CDC42BPB: variants seen among roughly 807,000 people sequenced by gnomAD.
CDC42BPB encodes CDC42 binding protein kinase beta, also known as serine/threonine-protein kinase MRCK beta.
In CDC42BPB, 37 loss-of-function variants were observed where a neutral mutation model predicts 214.9. That is an observed-to-expected ratio of 0.17 (90% CI 0.13 to 0.23). The LOEUF is 0.23. Among genes scored for constraint, CDC42BPB ranks in the 10% least tolerant of loss-of-function variants. CDC42BPB has a pLI of 1.00. For missense variants in CDC42BPB, 1,694 were observed against 2,227.0 expected (o/e 0.76, Z 4.82); for synonymous variants, 931 against 884.0 (o/e 1.05, Z -0.94).
intron 30 of CDC42BPB, chr14:102,941,329 G>C: frequency 1.0e-6 from 1 of 985,474 alleles, no homozygotes; most frequent in African/African-American, 1.7e-5. Flanking sequence ...GTCTGAAGAT[G>C]CATTTTAAAA....
chr14:103,017,601 C>T (rs1159136669), intron 1 of CDC42BPB, among the ~76,000 whole-genome samples: 8 of 152,102 alleles, frequency 5.3e-5, no homozygotes, highest in Non-Finnish European at 8.8e-5. Context: ...CTGTGATTTT[C>T]CTGCAAAGAT....
chr14:102,938,541 C>G lies in CDC42BPB; in HGVS notation c.4828-130G>C, dbSNP rs555417328. On this transcript the variant is annotated intron_variant, in intron 34 of 36. Transcript: ENST00000361246. ...GCAAAATGGGGGCCAAGAGGGCTCT[C>G]TGGATTGGACAAGGGTTCTGGACAG... 60 of 1,429,962 alleles carry G rather than the reference C, an allele frequency of 4.2e-5. No individual in the cohort carries two copies. The East Asian group carries it at 1.4e-3, about 34-fold the overall frequency. The allele number at this position is 1,429,962 out of a possible 1,614,324, so 88.6% of individuals were successfully genotyped here.
At chr14:102,938,677 G>C (rs1446669960) in intron 34 of CDC42BPB, 1 of 496,066 alleles carries the variant, frequency 2.0e-6, no homozygotes, top group Non-Finnish European at 2.6e-6. Context: ...CCCCCAGGCT[G>C]GAGTGCAATG....
chr14:102,983,884 G>C (rs1455928140), intron 6 of CDC42BPB, 128 bp from the exon 7 acceptor site: 1 of 1,454,898 alleles, frequency 6.9e-7, no homozygotes, highest in Non-Finnish European at 9.0e-7. Context: ...ATGAATGATC[G>C]TGTTTTTTAA....
chr14:103,028,521 G>A (rs1167936674), intron 1 of CDC42BPB, among the ~76,000 whole-genome samples: 2 of 152,204 alleles, frequency 1.3e-5, no homozygotes, highest in African/African-American at 2.4e-5. Flanking sequence ...GATCACATAC[G>A]CATCACAGAA....
rs1339867487 is a variant in CDC42BPB, at chr14:102,932,891, CA to C, written c.*820del. On this transcript the variant is annotated 3_prime_UTR_variant, in exon 37 of 37. Transcript: ENST00000361246. ...CAGGACTGGTGGGGGGGGGGGCGGG[CA>C]GGGCGGGGCGGGGTGGGGTATCCCA... is the stretch of plus-strand genomic sequence containing the variant. 0.013 allele frequency: 58 copies of C among 4,502 alleles called. No individual in the cohort carries two copies. The highest frequency in any genetic ancestry group is 0.12 in the Middle Eastern group (1 of 8). The allele number at this position is 4,502 out of a possible 1,614,324, so 0.3% of individuals were successfully genotyped here. A position where few individuals can be genotyped will look rare whatever the true frequency, so the allele number is the denominator to read the frequency against.
At chr14:102,941,574 G>A (rs1891890914) in intron 30 of CDC42BPB, 1 of 985,206 alleles carries the variant, frequency 1.0e-6, no homozygotes, top group African/African-American at 1.7e-5. Flanking sequence ...ACGGGCTTCT[G>A]GGAAGGCCCT....
chr14:103,042,044 C>A, intron 1 of CDC42BPB: 1 of 202,206 alleles, frequency 4.9e-6, no homozygotes, highest in South Asian at 8.6e-5. Context: ...TTTGGCATAC[C>A]GGCAAAGAGA....
chr14:103,054,803 A>G (rs1414298298), intron 1 of CDC42BPB, among the ~76,000 whole-genome samples: 3 of 152,214 alleles, frequency 2.0e-5, no homozygotes, highest in African/African-American at 7.2e-5. Flanking sequence ...AACTTTGAAA[A>G]TATGTCTATG....
At chr14:102,983,341 C>T (rs1293373716) in intron 7 of CDC42BPB, among the ~76,000 whole-genome samples, 1 of 152,102 alleles carries the variant, frequency 6.6e-6, no homozygotes, top group East Asian at 1.9e-4. Flanking sequence ...CCTTCCCCTT[C>T]CTCTGGCGCC....
chr14:102,970,511 T>C (rs1394462058), intron 13 of CDC42BPB: 1 of 322,584 alleles, frequency 3.1e-6, no homozygotes, highest in Admixed American at 6.4e-5. Flanking sequence ...AAAGGATACA[T>C]TTCTTGAAAT....
Position 102,968,278 on chromosome 14 carries a change from T to C in CDC42BPB, c.2321A>G (p.Lys774Arg). 1 of 1,613,868 alleles carries C rather than the reference T, an allele frequency of 6.2e-7. No homozygotes were observed. The highest frequency in any genetic ancestry group is 1.1e-5 in the South Asian group (1 of 91,010). ...RERAMLFDEN[K>R]KLTAENEKLC... Reference sequence around the variant, plus strand: ...CTTTTCATTTTCAGCAGTTAGCTTCTTGTTTTCATCAAACAGCATCGCTCT... The same window carrying C: ...CTTTTCATTTTCAGCAGTTAGCTTCCTGTTTTCATCAAACAGCATCGCTCT... The change falls in exon 16 of 37, where the codon AAG (lysine) becomes AGG (arginine). Residue 774 changes from lysine (K) to arginine (R), a missense_variant. By Grantham distance (26) the Lys-to-Arg change is conservative. Around this residue, in one of 7 missense-constraint regions of CDC42BPB, gnomAD observed 462 missense variants for 513.5 expected, o/e 0.90. Coordinates refer to ENST00000361246, the MANE Select transcript of CDC42BPB (RefSeq NM_006035.4).
rs576163107 is a variant in CDC42BPB at position 103,041,528 on chromosome 14, G to A, written c.175+15471C>T. 8.8e-5 allele frequency: 121 copies of A among 1,381,246 alleles called. No individual in the cohort carries two copies. In the African/African-American group the frequency reaches 1.5e-3, roughly 17 times the overall value. The allele number at this position is 1,381,246 out of a possible 1,614,324, so 85.6% of individuals were successfully genotyped here. A position where few individuals can be genotyped will look rare whatever the true frequency, so the allele number is the denominator to read the frequency against. On this transcript the variant is annotated intron_variant, in intron 1 of 36. Coordinates refer to ENST00000361246, the MANE Select transcript of CDC42BPB (RefSeq NM_006035.4). ...TTCCACAAGGACTGGCAGCTGGCTC[G>A]TGGCCACATGGTTCAACCAGCCGGC...
intron 7 of CDC42BPB, among the ~76,000 whole-genome samples, chr14:102,981,623 A>G (rs1357173700): frequency 6.6e-6 from 1 of 152,200 alleles, no homozygotes; most frequent in Non-Finnish European, 1.5e-5. Flanking sequence ...TCTACTAAAA[A>G]TACAAAAATT....
intron 7 of CDC42BPB, among the ~76,000 whole-genome samples, chr14:102,981,550 G>A (rs1894001863): frequency 6.6e-6 from 1 of 152,194 alleles, no homozygotes; most frequent in South Asian, 2.1e-4. Flanking sequence ...GGAGGCCGAG[G>A]TGGGCAGATC....
Position 103,001,574 on chromosome 14 carries a change from C to T in CDC42BPB, c.448-1861G>A, listed in dbSNP as rs924173604. On this transcript the variant is annotated intron_variant, in intron 4 of 36. Transcript: ENST00000361246. This position sits in a 1 kb window ranked among gnomAD's most constrained non-coding sequence, Gnocchi z 5.8. ...ACAGTGGGGGCTGCAGCCCCACACT[C>T]AGAGCAGTGAGTGGGTGATGTTCCC... 1.3e-5 allele frequency among the ~76,000 whole-genome samples: 2 copies of T among 152,208 alleles called. No homozygotes were observed. Among genetic ancestry groups the T allele is most frequent in the African/African-American group, 4.8e-5 (2 of 41,448 alleles).
chr14:102,975,421 G>A (rs1893692470), intron 11 of CDC42BPB, among the ~76,000 whole-genome samples: 1 of 152,182 alleles, frequency 6.6e-6, no homozygotes, highest in African/African-American at 2.4e-5. Context: ...TACTTGGGAG[G>A]CTGAGGCAAG....
chr14:103,056,716 G>A (rs900359243), intron 1 of CDC42BPB, among the ~76,000 whole-genome samples: 2 of 151,940 alleles, frequency 1.3e-5, no homozygotes, highest in African/African-American at 4.8e-5. Flanking sequence ...TGGCTCCAAG[G>A]GGCAGGATGA....
intron 1 of CDC42BPB, among the ~76,000 whole-genome samples, chr14:103,027,276 C>T (rs1887106600): frequency 6.6e-6 from 1 of 152,154 alleles, no homozygotes; most frequent in Non-Finnish European, 1.5e-5. Flanking sequence ...CCTCAAAGTG[C>T]TAAACACAGT....
Sources: gnomAD v4.1 joint callset for allele counts (sites outside exome capture counted in the v4.1 genomes callset) on GRCh38, gnomAD v4.1.1 for gene constraint, gnomAD v4.1.1 regional missense constraint, Gnocchi (gnomAD v3.1) non-coding constraint, MANE v1.5 for transcripts, NCBI Gene and HGNC (gene_info 2026-07-23, HGNC 2026-07-21) for gene names.